Variants in DTNA observed in about 807,000 individuals in gnomAD.
DTNA encodes the protein dystrobrevin alpha.
DTNA carries 43 observed loss-of-function variants against 100.7 expected under a neutral mutation model. The observed-to-expected ratio is 0.43, with a 90% CI of 0.33 to 0.55. DTNA has a LOEUF of 0.55. DTNA is among the 20% of genes least tolerant of loss of function. The pLI is 0.04. For missense variants in DTNA, 798 were observed against 953.9 expected (o/e 0.84, Z 2.15); for synonymous variants, 349 against 347.9 (o/e 1.00, Z -0.04).
chr18:34,763,220 A>G (rs1161831688), intron 2 of DTNA, among the ~76,000 whole-genome samples: 3 of 152,214 alleles, frequency 2.0e-5, no homozygotes, highest in African/African-American at 7.2e-5. Context: ...CAATAAAAGT[A>G]CATCCTCATC....
chr18:34,701,094 T>A (rs964795826), intron 1 of DTNA, among the ~76,000 whole-genome samples: 13 of 152,292 alleles, frequency 8.5e-5, no homozygotes, highest in African/African-American at 3.1e-4. Flanking sequence ...TAAATATTTT[T>A]AAGAGTCTCC....
chr18:34,588,444 C>T (rs543320235), intron 1 of DTNA, among the ~76,000 whole-genome samples: 1 of 152,144 alleles, frequency 6.6e-6, no homozygotes, highest in Non-Finnish European at 1.5e-5. Flanking sequence ...CTCGTTCTCA[C>T]CATCTTAAGA....
chr18:34,785,020 T>C (rs765571295), intron 3 of DTNA, among the ~76,000 whole-genome samples: 13 of 151,532 alleles, frequency 8.6e-5, no homozygotes, highest in Admixed American at 8.6e-4. Context: ...TTTCACACCA[T>C]TCTCCTGCCT....
At chr18:34,700,590 C>T (rs1212765409) in intron 1 of DTNA, among the ~76,000 whole-genome samples, 1 of 152,230 alleles carries the variant, frequency 6.6e-6, no homozygotes, top group Non-Finnish European at 1.5e-5. Context: ...AGTGAACTCA[C>T]TCACCTGATT....
intron 1 of DTNA, among the ~76,000 whole-genome samples, chr18:34,668,362 T>G (rs866866718): frequency 9.9e-5 from 15 of 152,264 alleles, no homozygotes; most frequent in African/African-American, 3.6e-4. Flanking sequence ...TTTGTTGATC[T>G]TTTCAAAAAA....
intron 1 of DTNA, among the ~76,000 whole-genome samples, chr18:34,558,681 C>G (rs1318728074): frequency 3.9e-5 from 6 of 152,064 alleles, no homozygotes; most frequent in African/African-American, 1.4e-4. Flanking sequence ...TTCAATGGTC[C>G]AGAAAGGTCT....
intron 5 of DTNA, among the ~76,000 whole-genome samples, chr18:34,808,037 T>C (rs1206089283): frequency 6.6e-6 from 1 of 151,720 alleles, no homozygotes; most frequent in Non-Finnish European, 1.5e-5. Context: ...TAGATAAATG[T>C]AAAAAACAAA....
At position 34,569,872 on chromosome 18, in the gene DTNA, T is replaced by TACACATAC. The variant is rs2047420879; in HGVS notation, c.-2+76372_-2+76379dup. ...GCTACTGATTTAAATGTTAATTTCA[T>TACACATAC]ACACATACACACATACACACACACA... On this transcript the variant is annotated intron_variant, in intron 1 of 19. Transcript: ENST00000283365. Among the ~76,000 whole-genome samples the TACACATAC allele has an allele frequency of 2.0e-5, 3 of 149,154 alleles. No individual in the cohort carries two copies. The South Asian group carries it at 6.3e-4, about 31-fold the overall frequency.
At chr18:34,609,245 C>CTTTTT (rs71166019) in intron 1 of DTNA, among the ~76,000 whole-genome samples, 1,829 of 131,264 alleles carry the variant, frequency 0.014, 47 homozygotes, top group African/African-American at 0.041. Context: ...TGCTTTAATT[C>CTTTTT]TTTTTTTTTT....
upstream of DTNA, among the ~76,000 whole-genome samples, chr18:34,705,400 GA>G (rs2081990003): frequency 6.6e-6 from 1 of 152,148 alleles, no homozygotes; most frequent in Non-Finnish European, 1.5e-5. Flanking sequence ...TTTCACAGAT[GA>G]CATCAAACTG....
At chr18:34,703,084 A>G (rs2081604886) in intron 1 of DTNA, among the ~76,000 whole-genome samples, 1 of 152,212 alleles carries the variant, frequency 6.6e-6, no homozygotes, top group Admixed American at 6.5e-5. Flanking sequence ...TATGGTTGCT[A>G]CAGGTATAAC....
chr18:34,685,420 G>A (rs2078744255), intron 1 of DTNA, among the ~76,000 whole-genome samples: 1 of 152,128 alleles, frequency 6.6e-6, no homozygotes, highest in Non-Finnish European at 1.5e-5. Context: ...GCTTGTTTGT[G>A]TCAGGTTTGT....
At chr18:34,713,324 T>C (rs1362072214) in intron 1 of DTNA, among the ~76,000 whole-genome samples, 1 of 152,222 alleles carries the variant, frequency 6.6e-6, no homozygotes, top group Non-Finnish European at 1.5e-5. Flanking sequence ...ATTATGTTAA[T>C]AGCATTTATA....
At chr18:34,707,898 C>T (rs1411374585), upstream of DTNA, among the ~76,000 whole-genome samples, 4 of 152,110 alleles carry the variant, frequency 2.6e-5, no homozygotes, top group African/African-American at 7.2e-5. Context: ...TGAGTCACCG[C>T]GCTGAAGGAT....
At chr18:34,624,135 A>T (rs1320743060) in intron 1 of DTNA, among the ~76,000 whole-genome samples, 1 of 152,234 alleles carries the variant, frequency 6.6e-6, no homozygotes, top group Non-Finnish European at 1.5e-5. Context: ...TCATATTTAC[A>T]TCAAAAAAGC....
At chr18:34,689,571 G>T (rs1370337406) in intron 1 of DTNA, among the ~76,000 whole-genome samples, 2 of 152,182 alleles carry the variant, frequency 1.3e-5, no homozygotes, top group African/African-American at 2.4e-5. Flanking sequence ...TCTGTATGAG[G>T]TATCTATCGA....
Position 34,650,435 on chromosome 18 carries a change from T to G in DTNA, c.-1-105541T>G, listed in dbSNP as rs76510470. ...CATGTTTGTGTGTTTTTCCTACTTG[T>G]AAACATCTGCTTTGTTCCTACTTCT... On this transcript the variant is annotated intron_variant, in intron 1 of 19. Coordinates refer to the DTNA transcript ENST00000283365. 1.4e-3 allele frequency among the ~76,000 whole-genome samples: 218 copies of G among 152,300 alleles called. 1 individual carries two copies. The highest frequency in any genetic ancestry group is 5.0e-3 in the African/African-American group (206 of 41,568).
chr18:34,863,901 G>T, intron 16 of DTNA, 65 bp from the exon 17 acceptor site: 6 of 1,491,238 alleles, frequency 4.0e-6, no homozygotes, highest in Non-Finnish European at 4.6e-6. Flanking sequence ...AGTCCCTCAA[G>T]AATGGAAATG....
rs140228982 is a variant in DTNA at position 34,830,758 on chromosome 18, C to T, written c.1175+1269C>T. Among the ~76,000 whole-genome samples, 563 of 152,268 alleles carry T rather than the reference C, an allele frequency of 3.7e-3. 3 individuals carry two copies. Among genetic ancestry groups the T allele is most frequent in the African/African-American group, 0.013 (531 of 41,554 alleles). On this transcript the variant is annotated intron_variant, in intron 11 of 22. Transcript: ENST00000444659. ...GTTAGGTAGAATGTGGGTCATATAA[C>T]ATAATTGATGGACCGATTCACTTCA...
Sources: gnomAD v4.1 joint callset for allele counts (sites outside exome capture counted in the v4.1 genomes callset) on GRCh38, gnomAD v4.1.1 for gene constraint, MANE v1.5 for transcripts, NCBI Gene and HGNC (gene_info 2026-07-23, HGNC 2026-07-21) for gene names.